Variants in ZFP64 observed in about 807,000 individuals in gnomAD.
The protein encoded by ZFP64 is ZFP64 zinc finger protein.
A neutral mutation model predicts 51.6 loss-of-function variants in ZFP64; 14 were observed. That is an observed-to-expected ratio of 0.27 (90% CI 0.18 to 0.42). ZFP64 has a LOEUF of 0.42. Ranked by LOEUF, ZFP64 falls within the 10% of genes least tolerant of loss-of-function variation. The pLI is 1.00. For synonymous variants in ZFP64, 375 were observed against 361.4 expected, an observed-to-expected ratio of 1.04 and a Z score of -0.43; for missense variants, 754 against 906.8, an observed-to-expected ratio of 0.83 and a Z score of 2.16.
At chr20:52,088,777 A>C in intron 7 of ZFP64, 1 of 1,107,058 alleles carries the variant, frequency 9.0e-7, no homozygotes, top group Non-Finnish European at 1.3e-6. Context: ...AAGATACTGA[A>C]GTCTACATCA....
chr20:52,124,192 TAA>T (rs33931169), intron 5 of ZFP64, among the ~76,000 whole-genome samples: 12 of 114,000 alleles, frequency 1.1e-4, no homozygotes, highest in Non-Finnish European at 1.1e-4. Context: ...TTGTTAAATG[TAA>T]AAAAAAAAAA....
chr20:52,125,192 C>T (rs6126473), intron 5 of ZFP64, among the ~76,000 whole-genome samples: 27,918 of 152,186 alleles, frequency 0.18, 2,926 homozygotes, highest in East Asian at 0.4. Context: ...CAGAGCTTCT[C>T]TCTCTGGGAA....
chr20:52,164,237 C>T (rs778903495), intron 4 of ZFP64, among the ~76,000 whole-genome samples: 11 of 152,116 alleles, frequency 7.2e-5, no homozygotes, highest in Non-Finnish European at 1.0e-4. Context: ...CGAGTGCCAC[C>T]GCACTCCAGC....
intron 7 of ZFP64, among the ~76,000 whole-genome samples, chr20:52,094,073 G>A (rs1223055710): frequency 6.6e-6 from 1 of 152,214 alleles, no homozygotes; most frequent in African/African-American, 2.4e-5. Flanking sequence ...TCATCTGGCT[G>A]TTCCGGACAG....
intron 2 of ZFP64, among the ~76,000 whole-genome samples, chr20:52,170,831 C>T (rs187587948): frequency 5.3e-5 from 8 of 152,318 alleles, no homozygotes; most frequent in African/African-American, 1.9e-4. Context: ...ACAAAAATCC[C>T]TGCCCTCATG....
rs1490123389 is a variant in ZFP64, at chr20:52,135,220, G to A, written c.763+24903C>T. ...ATCAAAAGAAAATTAAATTTTGTGA[G>A]GTGAAAATTTTATGAAACTGAAATC... is the stretch of plus-strand genomic sequence containing the variant. On this transcript the variant is annotated intron_variant, in intron 5 of 8. Transcript: ENST00000361387. Among the ~76,000 whole-genome samples the A allele has an allele frequency of 2.6e-5, 4 of 152,158 alleles. No homozygotes were observed. In the South Asian group the frequency reaches 8.3e-4, roughly 32 times the overall value.
At chr20:52,146,157 G>A (rs1426353775) in intron 5 of ZFP64, among the ~76,000 whole-genome samples, 2 of 151,788 alleles carry the variant, frequency 1.3e-5, no homozygotes, top group African/African-American at 2.4e-5. Flanking sequence ...ATATCAGTAG[G>A]CAATAGAAAT....
In ZFP64 at chr20:52,085,337, G is replaced by C. The variant is rs1248304400; in HGVS notation, c.1229-71C>G. 1 of 1,462,890 alleles carries C rather than the reference G, an allele frequency of 6.8e-7. No homozygotes were observed. Among genetic ancestry groups the C allele is most frequent in the Non-Finnish European group, 9.2e-7 (1 of 1,090,344 alleles). The allele number at this position is 1,462,890 out of a possible 1,614,324, so 90.6% of individuals were successfully genotyped here. The stretch of plus-strand genomic sequence containing the variant: ...GACCCTCCCACCCCAACCTGCCTTA[G>C]CACACTTGGCCGCCATGAGATGGTT... On this transcript the variant is annotated intron_variant, in intron 8 of 8. Coordinates refer to the ZFP64 transcript ENST00000361387. This position sits in a 1 kb window ranked among gnomAD's most constrained non-coding sequence, Gnocchi z 4.3.
chr20:52,084,927 A>C (rs1255440193), exon 9 of ZFP64: 1 of 1,613,754 alleles, frequency 6.2e-7, no homozygotes, highest in South Asian at 1.1e-5. Flanking sequence ...GTCACACTTG[A>C]AGGGACGGTC....
At chr20:52,111,120 G>C in intron 5 of ZFP64, 1 of 805,224 alleles carries the variant, frequency 1.2e-6, no homozygotes, top group Non-Finnish European at 2.1e-6. Flanking sequence ...AGCGGGGCAC[G>C]GCGGCAGCCA....
At chr20:52,157,429 G>A (rs1056944090) in intron 5 of ZFP64, among the ~76,000 whole-genome samples, 1 of 152,192 alleles carries the variant, frequency 6.6e-6, no homozygotes, top group Non-Finnish European at 1.5e-5. Context: ...GCTTTTGGTA[G>A]ACAGGAAGCA....
At chr20:52,166,449 T>C (rs758181853) in intron 2 of ZFP64, among the ~76,000 whole-genome samples, 1 of 151,884 alleles carries the variant, frequency 6.6e-6, no homozygotes, top group Non-Finnish European at 1.5e-5. Context: ...CCCAAATCTA[T>C]ACTTTTTTCT....
chr20:52,191,622 G>A lies in ZFP64; in HGVS notation c.15C>T (p.Ser5=). 2.5e-6 allele frequency: 4 copies of A among 1,588,644 alleles called. No homozygotes were observed. Among genetic ancestry groups the A allele is most frequent in the Non-Finnish European group, 3.4e-6 (4 of 1,170,280 alleles). ...CCGAGCCCGCGAAGCTCTCGCCCTC[G>A]CTGCTCGCGTTCATGGCCGCAGACT... MNAS[S]EGESFAGSVQ... The change falls in exon 1 of 6, where the codon AGC becomes AGT. Residue 5 remains serine (S), a synonymous_variant. Coordinates refer to ENST00000216923, the MANE Select transcript of ZFP64 (RefSeq NM_018197.3). The surrounding 1 kb of genome is among the most constrained non-coding windows in gnomAD (Gnocchi z 4.3).
chr20:52,096,833 G>A (rs1314818655), intron 7 of ZFP64: 2 of 275,170 alleles, frequency 7.3e-6, no homozygotes, highest in Middle Eastern at 1.5e-3. Context: ...GGGTCGCAAT[G>A]AACTGAGATT....
intron 2 of ZFP64, among the ~76,000 whole-genome samples, chr20:52,182,752 A>G (rs1370705135): frequency 1.3e-5 from 2 of 152,228 alleles, no homozygotes; most frequent in East Asian, 3.9e-4. Context: ...CAAAAAAACT[A>G]GGAGGACAAA....
At chr20:52,121,863 G>A (rs1319358509) in intron 5 of ZFP64, among the ~76,000 whole-genome samples, 1 of 152,206 alleles carries the variant, frequency 6.6e-6, no homozygotes, top group Non-Finnish European at 1.5e-5. Context: ...AGGGGCTAAT[G>A]TAGCTGGTGA....
downstream of ZFP64, among the ~76,000 whole-genome samples, chr20:52,150,896 T>C (rs1980759736): frequency 6.6e-6 from 1 of 152,246 alleles, no homozygotes; most frequent in African/African-American, 2.4e-5. Flanking sequence ...AATTTTCCTC[T>C]TCTCAATACA....
chr20:52,088,786 C>T (rs2078890990), intron 7 of ZFP64: 2 of 1,053,380 alleles, frequency 1.9e-6, no homozygotes, highest in African/African-American at 3.2e-5. Flanking sequence ...AAGTCTACAT[C>T]AGCATATTGG....
intron 2 of ZFP64, among the ~76,000 whole-genome samples, chr20:52,176,360 C>CTAA (rs1983212041): frequency 6.6e-6 from 1 of 152,096 alleles, no homozygotes. Flanking sequence ...CAGTGCTTAT[C>CTAA]CAACCACAAT....
Sources: allele counts gnomAD v4.1 joint callset (sites outside exome capture counted in the v4.1 genomes callset), GRCh38; gene constraint gnomAD v4.1.1; non-coding constraint Gnocchi (gnomAD v3.1); transcripts MANE v1.5; gene names NCBI Gene and HGNC (gene_info 2026-07-23, HGNC 2026-07-21).